The following FCAR variants were observed in gnomAD, a reference collection of about 807,000 sequenced individuals.
The protein encoded by FCAR is Fc alpha receptor.
A neutral mutation model predicts 27.1 loss-of-function variants in FCAR; 21 were observed. The observed-to-expected ratio is 0.77, with a 90% CI of 0.55 to 1.11. The LOEUF (loss-of-function observed/expected upper bound fraction) is 1.11. Ranked by LOEUF, FCAR falls within the 50% of genes most tolerant of loss-of-function variation. The probability of loss-of-function intolerance (pLI) is 0.00; values close to 1 mark genes in which losing one functional copy is unlikely to be tolerated. For missense variants in FCAR, 404 were observed against 358.4 expected (o/e 1.13, Z -1.03); for synonymous variants, 134 against 135.8 (o/e 0.99, Z 0.09).
chr19:54,881,523 C>T (rs1243906711), intron 2 of FCAR, among the ~76,000 whole-genome samples: 2 of 152,030 alleles, frequency 1.3e-5, no homozygotes, highest in Non-Finnish European at 1.5e-5. Context: ...GGGTTGAGGG[C>T]TCACAGGGAG....
chr19:54,885,477 G>C lies in FCAR; in HGVS notation c.313G>C (p.Gly105Arg), dbSNP rs145833290. Residue 105 changes from glycine (G) to arginine (R), a missense_variant, in exon 3 of 5, where the codon GGG (glycine) becomes CGG (arginine). Coordinates refer to ENST00000355524, the MANE Select transcript of FCAR (RefSeq NM_002000.4). ...GCGCTATCAGTGCCAATATAGGATA[G>C]GGCACTACAGGTTCCGGTACAGTGA... Reference protein sequence around the residue: ...AGRYQCQYRIGHYRFRYSDTL... With the variant: ...AGRYQCQYRIRHYRFRYSDTL... 2 of 1,612,752 alleles carry C rather than the reference G, an allele frequency of 1.2e-6. No homozygotes were observed. Among genetic ancestry groups the C allele is most frequent in the African/African-American group, 1.3e-5 (1 of 75,000 alleles).
chr19:54,889,603 T>A (rs1360392090), intron 4 of FCAR, 46 bp from the exon 5 acceptor site: 1 of 1,522,728 alleles, frequency 6.6e-7, no homozygotes, highest in African/African-American at 1.4e-5. Flanking sequence ...TGGGATGGAA[T>A]GGAACACAAC....
At chr19:54,879,456 C>T (rs1312094959) in intron 2 of FCAR, among the ~76,000 whole-genome samples, 1 of 152,118 alleles carries the variant, frequency 6.6e-6, no homozygotes, top group African/African-American at 2.4e-5. Context: ...TAAATTCCCT[C>T]AGCATTTGCT....
At chr19:54,874,822 T>C (rs530970214) in intron 1 of FCAR, among the ~76,000 whole-genome samples, 2 of 152,268 alleles carry the variant, frequency 1.3e-5, no homozygotes, top group South Asian at 2.1e-4. Context: ...ATAGAATGAG[T>C]TGGGGAGGAG....
intron 2 of FCAR, among the ~76,000 whole-genome samples, chr19:54,881,688 T>C (rs1269833932): frequency 6.6e-6 from 1 of 151,882 alleles, no homozygotes; most frequent in Non-Finnish European, 1.5e-5. Context: ...CTGGCTAATC[T>C]GGTGAAACCC....
Position 54,875,347 on chromosome 19 carries a change from A to G in FCAR, c.52A>G (p.Arg18Gly). 6.2e-7 allele frequency: 1 copy of G among 1,613,910 alleles called. No homozygotes were observed. Among genetic ancestry groups the G allele is most frequent in the Non-Finnish European group, 8.5e-7 (1 of 1,179,880 alleles). ...LLCLVLCLGQRIQAQEGDFPM... is the reference protein window; with the variant it reads ...LLCLVLCLGQGIQAQEGDFPM... ...TCTTCCAGTGCTCTGTCTGGGCCAG[A>G]GGATTCAGGCACAGGAAGGTAAGTG... The change falls in exon 2 of 5, where the codon AGG becomes GGG. Residue 18 changes from arginine (R) to glycine (G), a missense_variant. Coordinates refer to ENST00000355524, the MANE Select transcript of FCAR (RefSeq NM_002000.4).
chr19:54,886,401 G>A (rs587604909), intron 3 of FCAR, among the ~76,000 whole-genome samples: 10 of 141,878 alleles, frequency 7.0e-5, no homozygotes, highest in African/African-American at 2.4e-4. Context: ...CCAACCTCCC[G>A]GGTTCACGCC....
In FCAR at chr19:54,874,293, G is replaced by A. The variant is rs1341717816; in HGVS notation, c.4G>A (p.Asp2Asn). The change falls in exon 1 of 5, where the codon GAC becomes AAC. Residue 2 changes from aspartate (D) to asparagine (N), a missense_variant. Coordinates refer to ENST00000355524, the MANE Select transcript of FCAR (RefSeq NM_002000.4). M[D>N]PKQTTLLCLV... ...GGGCTGAGGCCGTGTCAGCACGATG[G>A]ACCCCAAACAGACCACCCTCCTGTG... The A allele has an allele frequency of 1.2e-6, 2 of 1,614,120 alleles. No individual in the cohort carries two copies. Among genetic ancestry groups the A allele is most frequent in the Non-Finnish European group, 1.7e-6 (2 of 1,180,000 alleles).
intron 3 of FCAR, among the ~76,000 whole-genome samples, chr19:54,887,639 G>A (rs2066814306): frequency 6.6e-6 from 1 of 150,646 alleles, no homozygotes; most frequent in South Asian, 2.1e-4. Context: ...ATAATAGGCT[G>A]GGCACAGTTG....
At chr19:54,878,879 T>A (rs1477615004) in intron 2 of FCAR, among the ~76,000 whole-genome samples, 1 of 72,272 alleles carries the variant, frequency 1.4e-5, no homozygotes, top group East Asian at 5.0e-4. Context: ...TCTTGCTTTT[T>A]TTTTTTTTTT....
At chr19:54,886,673 C>T (rs1020425959) in intron 3 of FCAR, among the ~76,000 whole-genome samples, 5 of 152,056 alleles carry the variant, frequency 3.3e-5, no homozygotes, top group Non-Finnish European at 5.9e-5. Flanking sequence ...GGATTCCAGG[C>T]GTGAGCCACC....
chr19:54,884,056 C>T (rs766860431), intron 2 of FCAR, among the ~76,000 whole-genome samples: 7 of 152,192 alleles, frequency 4.6e-5, no homozygotes, highest in Non-Finnish European at 7.3e-5. Flanking sequence ...AAGCCTGGCC[C>T]GTCTGGCTGC....
At chr19:54,886,549 C>T (rs1467421576) in intron 3 of FCAR, among the ~76,000 whole-genome samples, 5 of 151,882 alleles carry the variant, frequency 3.3e-5, no homozygotes, top group Admixed American at 3.3e-4. Flanking sequence ...CCTCGTGATC[C>T]GCCCGCCTGG....
At chr19:54,887,906 A>C in intron 3 of FCAR, 101 bp from the exon 4 acceptor site, 1 of 962,086 alleles carries the variant, frequency 1.0e-6, no homozygotes, top group East Asian at 2.8e-5. Context: ...AATAAGAGCG[A>C]AACTCCATCT....
intron 2 of FCAR, chr19:54,880,795 G>A (rs1252236225): frequency 6.6e-6 from 1 of 152,138 alleles, no homozygotes; most frequent in African/African-American, 2.4e-5. Context: ...CTTCGCACAG[G>A]GTCTTTATTT....
Position 54,889,548 on chromosome 19 carries a change from G to A in FCAR, c.650-101G>A. On this transcript the variant is annotated intron_variant, in intron 4 of 4. Coordinates refer to ENST00000355524, the MANE Select transcript of FCAR (RefSeq NM_002000.4). ...GGGATGCTTGAGGGAGTCCCATTTT[G>A]GCAAGCGAAAAGGAAAATGAGCTCC... The A allele has an allele frequency of 5.5e-6, 5 of 915,718 alleles. 1 individual carries two copies. The South Asian group carries it at 7.0e-5, about 13-fold the overall frequency. 56.7% of individuals were successfully genotyped at this position (915,718 alleles called of 1,614,324 possible).
At position 54,885,318 on chromosome 19, in the gene FCAR, A is replaced by G. The variant is rs751406997; in HGVS notation, c.154A>G (p.Ile52Val). Reference sequence around the variant, plus strand: ...ATCTGTGAAAATCCAGTGCCAGGCCATTCGTGAAGCTTACCTGACCCAGCT... The same window carrying G: ...ATCTGTGAAAATCCAGTGCCAGGCCGTTCGTGAAGCTTACCTGACCCAGCT... ...DGSVKIQCQA[I>V]REAYLTQLMI... The change falls in exon 3 of 5, where the codon ATT (isoleucine) becomes GTT (valine). Residue 52 changes from isoleucine to valine, a missense_variant. Transcript: ENST00000355524. The G allele has an allele frequency of 1.9e-6, 3 of 1,614,092 alleles. No individual in the cohort carries two copies. Among genetic ancestry groups the G allele is most frequent in the South Asian group, 1.1e-5 (1 of 91,076 alleles).
intron 2 of FCAR, among the ~76,000 whole-genome samples, chr19:54,876,327 C>G (rs2066086711): frequency 6.6e-6 from 1 of 152,142 alleles, no homozygotes; most frequent in Non-Finnish European, 1.5e-5. Flanking sequence ...TTATTTCTCT[C>G]TTGCCTGATT....
intron 4 of FCAR, 82 bp downstream of exon 4, chr19:54,888,376 T>C (rs1412221848): frequency 4.5e-6 from 7 of 1,554,542 alleles, no homozygotes; most frequent in Non-Finnish European, 6.1e-6. Context: ...AGACGTGCAC[T>C]GAGAGTGAAG....
Sources: gnomAD v4.1 joint callset for allele counts (sites outside exome capture counted in the v4.1 genomes callset) on GRCh38, gnomAD v4.1.1 for gene constraint, MANE v1.5 for transcripts, NCBI Gene and HGNC (gene_info 2026-07-23, HGNC 2026-07-21) for gene names.